Variants in UIMC1 observed in about 807,000 individuals in gnomAD.
The protein encoded by UIMC1 is ubiquitin interaction motif containing 1, also known as BRCA1-A complex subunit RAP80.
Under a neutral mutation model 84.9 loss-of-function variants are expected in UIMC1, and 42 were observed. The ratio of observed to expected loss-of-function variants is 0.49; its 90% CI spans 0.39 to 0.64. The LOEUF (loss-of-function observed/expected upper bound fraction) is 0.64. UIMC1 is among the 30% of genes least tolerant of loss of function. The probability of loss-of-function intolerance (pLI) is 0.00; values close to 1 mark genes in which losing one functional copy is unlikely to be tolerated. For missense variants in UIMC1, 825 were observed against 847.6 expected (o/e 0.97, Z 0.33); for synonymous variants, 281 against 293.0 (o/e 0.96, Z 0.42).
intron 10 of UIMC1, among the ~76,000 whole-genome samples, chr5:176,939,618 T>C (rs1391144501): frequency 6.6e-6 from 1 of 152,240 alleles, no homozygotes; most frequent in Non-Finnish European, 1.5e-5. Context: ...CCTTATAGCC[T>C]AGGTGTGTAG....
At chr5:176,956,939 T>C (rs921068198) in intron 7 of UIMC1, among the ~76,000 whole-genome samples, 3 of 152,184 alleles carry the variant, frequency 2.0e-5, no homozygotes, top group East Asian at 1.9e-4. Flanking sequence ...CATGTAACAT[T>C]AGTGCTCTAT....
At position 176,957,107 on chromosome 5, in the gene UIMC1, A is replaced by G. The variant is rs531102334; in HGVS notation, c.1262+986T>C. On this transcript the variant is annotated intron_variant, in intron 7 of 14. Transcript: ENST00000511320. ...TCTGCTCTGCACAAGGCTCACCACAATAAAGCAGAGAGGCCTATAGGGAGT... is the reference window on the plus strand; with the variant it reads ...TCTGCTCTGCACAAGGCTCACCACAGTAAAGCAGAGAGGCCTATAGGGAGT... 2.0e-5 allele frequency among the ~76,000 whole-genome samples: 3 copies of G among 152,286 alleles called. No homozygotes were observed. In the South Asian group the frequency reaches 6.2e-4, roughly 32 times the overall value.
Position 176,968,874 on chromosome 5 carries a change from T to C in UIMC1, c.881A>G (p.Lys294Arg), listed in dbSNP as rs368873110. 3.7e-5 allele frequency: 59 copies of C among 1,614,022 alleles called. No individual in the cohort carries two copies. The highest frequency in any genetic ancestry group is 9.9e-5 in the South Asian group (9 of 91,090). The change falls in exon 6 of 15, where the codon AAG becomes AGG. Residue 294 changes from lysine (K) to arginine (R), a missense_variant. Lys to Arg is a conservative substitution (Grantham distance 26). Transcript: ENST00000511320. ...PDGVDPNQYT[K>R]VILCQLEVYQ... Reference sequence around the variant, plus strand: ...AACCTCCAACTGGCAGAGAATGACCTTGGTATACTGGTTAGGGTCTACTCC... The same window carrying C: ...AACCTCCAACTGGCAGAGAATGACCCTGGTATACTGGTTAGGGTCTACTCC...
Position 176,911,312 on chromosome 5 carries a change from T to C in UIMC1, c.1675A>G (p.Lys559Glu), listed in dbSNP as rs1306245765. 1 of 1,594,746 alleles carries C rather than the reference T, an allele frequency of 6.3e-7. No individual in the cohort carries two copies. The highest frequency in any genetic ancestry group is 1.3e-5 in the African/African-American group (1 of 74,320). Residue 559 changes from lysine (K) to glutamate (E), a missense_variant and splice_region_variant, in exon 11 of 15, where the codon AAG (lysine) becomes GAG (glutamate). By Grantham distance (56) the Lys-to-Glu change is moderately conservative. Coordinates refer to ENST00000511320, the MANE Select transcript of UIMC1 (RefSeq NM_001199298.2). Reference protein sequence around the residue: ...TAAQTSLDIDKNEKCYLCKSL... With the variant: ...TAAQTSLDIDENEKCYLCKSL... ...CGTGAATGCAGCATACCTACTTACT[T>C]GTCAATGTCTAGAGAAGTCTGGGCA...
At chr5:176,937,038 A>G (rs187114) in intron 10 of UIMC1, among the ~76,000 whole-genome samples, 63,128 of 152,074 alleles carry the variant, frequency 0.42, 13,400 homozygotes, top group East Asian at 0.48. Context: ...GTAGGTATAC[A>G]ATAAATACGT....
At chr5:176,948,335 G>C (rs1399852941) in intron 9 of UIMC1, among the ~76,000 whole-genome samples, 1 of 152,152 alleles carries the variant, frequency 6.6e-6, no homozygotes, top group Non-Finnish European at 1.5e-5. Flanking sequence ...CTAATAAACA[G>C]TAATATATTA....
At chr5:176,981,253 T>C (rs2149503012) in intron 2 of UIMC1, among the ~76,000 whole-genome samples, 1 of 149,918 alleles carries the variant, frequency 6.7e-6, no homozygotes, top group East Asian at 2.0e-4. Context: ...CAAGTAATTC[T>C]CCTGACTCAG....
At chr5:176,964,218 G>A (rs1767964729) in intron 6 of UIMC1, among the ~76,000 whole-genome samples, 1 of 152,172 alleles carries the variant, frequency 6.6e-6, no homozygotes, top group Non-Finnish European at 1.5e-5. Flanking sequence ...CACATTTCCT[G>A]AAAGCAAAAG....
intron 1 of UIMC1, among the ~76,000 whole-genome samples, chr5:176,989,192 T>C (rs1205718354): frequency 6.6e-6 from 1 of 151,998 alleles, no homozygotes; most frequent in Non-Finnish European, 1.5e-5. Flanking sequence ...TTAAAGTTTT[T>C]CTAAAAAAAA....
intron 2 of UIMC1, among the ~76,000 whole-genome samples, chr5:176,978,021 CT>C (rs200472444): frequency 1.3e-5 from 2 of 152,038 alleles, no homozygotes; most frequent in Admixed American, 6.6e-5. Flanking sequence ...GAAAAAAAGA[CT>C]TTTTTTCATA....
intron 9 of UIMC1, among the ~76,000 whole-genome samples, chr5:176,944,650 G>C (rs577753672): frequency 3.0e-4 from 45 of 152,304 alleles, no homozygotes; most frequent in African/African-American, 4.6e-4. Flanking sequence ...TCAATGCATA[G>C]AAAATGTGAC....
chr5:177,007,197 A>G (rs1444811636), upstream of UIMC1, among the ~76,000 whole-genome samples: 1 of 151,956 alleles, frequency 6.6e-6, no homozygotes, highest in Non-Finnish European at 1.5e-5. Flanking sequence ...AAAATTAGCC[A>G]GGCGTGGTGG....
rs144939191 is a variant in UIMC1 at position 176,931,995 on chromosome 5, A to G, written c.1597+11340T>C. On this transcript the variant is annotated intron_variant, in intron 10 of 14. Transcript: ENST00000511320. ...CTCTAAAAAACAAACAAACAAACAA[A>G]AAAAGAAGACAACTGAGACCACAGG... Among the ~76,000 whole-genome samples the G allele has an allele frequency of 7.1e-3, 1,088 of 152,270 alleles. 9 individuals are homozygous for G. Among genetic ancestry groups the G allele is most frequent in the Non-Finnish European group, 0.011 (757 of 68,014 alleles).
chr5:176,933,828 G>A (rs1428832462), intron 10 of UIMC1, among the ~76,000 whole-genome samples: 1 of 151,808 alleles, frequency 6.6e-6, no homozygotes, highest in East Asian at 1.9e-4. Flanking sequence ...GAACTACCAT[G>A]ACTGACCCTA....
chr5:177,005,961 G>C lies in UIMC1; in HGVS notation c.-9+689C>G, dbSNP rs374344176. On this transcript the variant is annotated intron_variant, in intron 1 of 14. Transcript: ENST00000511320. ...CACCTGGAAACGCGCCGGCCCTGCG[G>C]GGGCGAAATCGTCTAGGACGATAGG... Among the ~76,000 whole-genome samples the C allele has an allele frequency of 2.4e-3, 369 of 152,280 alleles. 1 individual carries two copies. The highest frequency in any genetic ancestry group is 8.6e-3 in the African/African-American group (357 of 41,562).
chr5:176,928,932 CAG>C (rs1762731524), intron 10 of UIMC1, among the ~76,000 whole-genome samples: 1 of 150,888 alleles, frequency 6.6e-6, no homozygotes, highest in Non-Finnish European at 1.5e-5. Flanking sequence ...ACCTGGGCAA[CAG>C]AGTGAAACTA....
At chr5:176,980,523 T>G (rs1770872189) in intron 2 of UIMC1, among the ~76,000 whole-genome samples, 1 of 152,180 alleles carries the variant, frequency 6.6e-6, no homozygotes, top group Non-Finnish European at 1.5e-5. Flanking sequence ...TGCCTTCAGA[T>G]CACACAGATG....
chr5:176,911,427 A>C (rs1350945895), intron 10 of UIMC1, 38 bp from the exon 11 acceptor site: 1 of 1,365,000 alleles, frequency 7.3e-7, no homozygotes. Context: ...ACACATAGTT[A>C]GCTGCCAGTA....
At chr5:176,970,190 T>C (rs184128443) in intron 4 of UIMC1, 1 of 168,934 alleles carries the variant, frequency 5.9e-6, no homozygotes, top group East Asian at 1.7e-4. Context: ...GAGAATTGCT[T>C]GAACCCAGGA....
Sources: gnomAD v4.1 joint callset for allele counts (sites outside exome capture counted in the v4.1 genomes callset) on GRCh38, gnomAD v4.1.1 for gene constraint, MANE v1.5 for transcripts, NCBI Gene and HGNC (gene_info 2026-07-23, HGNC 2026-07-21) for gene names.